LRRC7: variants seen among roughly 807,000 people sequenced by gnomAD.
LRRC7 encodes the protein leucine-rich repeat-containing protein 7.
LRRC7 carries 23 observed loss-of-function variants against 175.7 expected under a neutral mutation model. That is an observed-to-expected ratio of 0.13 (90% CI 0.09 to 0.19). The LOEUF (loss-of-function observed/expected upper bound fraction) is 0.19, where lower values mean the gene tolerates loss of function less well. Among genes scored for constraint, LRRC7 ranks in the 10% least tolerant of loss-of-function variants. The pLI is 1.00. For synonymous variants in LRRC7, 685 were observed against 680.9 expected (o/e 1.01, Z -0.09); for missense variants, 1,354 against 1,904.7 (o/e 0.71, Z 5.38).
At chr1:69,726,054 G>A (rs943207110) in intron 2 of LRRC7, among the ~76,000 whole-genome samples, 3 of 152,228 alleles carry the variant, frequency 2.0e-5, no homozygotes, top group Admixed American at 2.0e-4. Context: ...AACAGCAGAA[G>A]AGAGTAAAAT....
intron 9 of LRRC7, 45 bp from the exon 10 acceptor site, chr1:69,986,197 G>C (rs1653924018): frequency 6.4e-7 from 1 of 1,573,840 alleles, no homozygotes; most frequent in Non-Finnish European, 8.7e-7. Flanking sequence ...AAAATGTCTT[G>C]TGAAAGTCTC....
At chr1:69,837,797 C>A (rs993775587) in intron 6 of LRRC7, among the ~76,000 whole-genome samples, 1 of 151,326 alleles carries the variant, frequency 6.6e-6, no homozygotes, top group Non-Finnish European at 1.5e-5. Flanking sequence ...TGTCATTGCC[C>A]AGTATTGATG....
chr1:70,092,425 A>T (rs1664097450), intron 25 of LRRC7, among the ~76,000 whole-genome samples: 1 of 152,136 alleles, frequency 6.6e-6, no homozygotes, highest in Non-Finnish European at 1.5e-5. Flanking sequence ...GAAATACACT[A>T]TATTATTTTC....
At chr1:70,029,783 G>T (rs537513656) in intron 18 of LRRC7, among the ~76,000 whole-genome samples, 1 of 152,238 alleles carries the variant, frequency 6.6e-6, no homozygotes, top group African/African-American at 2.4e-5. Flanking sequence ...TATAAAATAA[G>T]AGTCTAAAAT....
At chr1:70,078,784 C>T (rs1006940497) in intron 24 of LRRC7, among the ~76,000 whole-genome samples, 8 of 148,654 alleles carry the variant, frequency 5.4e-5, no homozygotes, top group South Asian at 2.1e-4. Flanking sequence ...TAATACAGTT[C>T]TACATATACG....
chr1:69,845,697 C>G (rs1682279906), intron 7 of LRRC7, among the ~76,000 whole-genome samples: 1 of 151,982 alleles, frequency 6.6e-6, no homozygotes, highest in Admixed American at 6.6e-5. Context: ...TTATGCTACC[C>G]TACTAGCTAT....
chr1:69,846,390 C>T (rs1313074100), intron 7 of LRRC7, among the ~76,000 whole-genome samples: 1 of 152,082 alleles, frequency 6.6e-6, no homozygotes, highest in African/African-American at 2.4e-5. Context: ...TCAAATTGCT[C>T]TTTTCAGACT....
rs1159428452 is a variant in LRRC7 at position 70,133,316 on chromosome 1, G to T, written c.*11429G>T. Among the ~76,000 whole-genome samples the T allele has an allele frequency of 6.6e-6, 1 of 152,050 alleles. No homozygotes were observed. The highest frequency in any genetic ancestry group is 1.5e-5 in the Non-Finnish European group (1 of 68,022). ...GCTCACTGCAACCTCCACCTCCTGGGTTCAAACGATTTTCCTGCCTCAGCC... is the reference window on the plus strand; with the variant it reads ...GCTCACTGCAACCTCCACCTCCTGGTTTCAAACGATTTTCCTGCCTCAGCC... On this transcript the variant is annotated 3_prime_UTR_variant, in exon 27 of 27. Transcript: ENST00000651989.
chr1:69,890,589 G>A (rs148032252), intron 7 of LRRC7, among the ~76,000 whole-genome samples: 62 of 152,290 alleles, frequency 4.1e-4, no homozygotes, highest in Middle Eastern at 3.4e-3. Context: ...TCTAATAAGC[G>A]AGTCAGACTG....
At chr1:69,690,853 T>C (rs1661770133) in intron 2 of LRRC7, among the ~76,000 whole-genome samples, 1 of 151,908 alleles carries the variant, frequency 6.6e-6, no homozygotes, top group East Asian at 1.9e-4. Flanking sequence ...AAAATTGGAG[T>C]TGTTGGTTGA....
Position 69,738,301 on chromosome 1 carries a change from C to T in LRRC7, c.101-21890C>T, listed in dbSNP as rs752151118. Among the ~76,000 whole-genome samples the T allele has an allele frequency of 8.9e-4, 136 of 152,018 alleles. 2 individuals are homozygous for T. The highest frequency in any genetic ancestry group is 4.3e-4 in the Non-Finnish European group (29 of 67,976). On this transcript the variant is annotated intron_variant, in intron 2 of 26. Coordinates refer to ENST00000651989, the MANE Select transcript of LRRC7 (RefSeq NM_001370785.2). The stretch of plus-strand genomic sequence containing the variant: ...AATTGGCAGAGCTGGGATTTGCACC[C>T]TGACCCTGTCATCCCATAAGCCATG...
At chr1:69,668,359 T>C (rs914393458) in intron 1 of LRRC7, among the ~76,000 whole-genome samples, 2 of 152,044 alleles carry the variant, frequency 1.3e-5, no homozygotes, top group Non-Finnish European at 2.9e-5. Flanking sequence ...TGTGTTCTCA[T>C]TGTTCAACTC....
At chr1:69,906,178 G>T (rs1206995693) in intron 7 of LRRC7, among the ~76,000 whole-genome samples, 1 of 152,088 alleles carries the variant, frequency 6.6e-6, no homozygotes, top group Non-Finnish European at 1.5e-5. Context: ...AGATGAGTAG[G>T]TTGCAAAATT....
chr1:69,704,819 T>G lies in LRRC7; in HGVS notation c.100+26341T>G, dbSNP rs866136752. On this transcript the variant is annotated intron_variant, in intron 2 of 26. Coordinates refer to ENST00000651989, the MANE Select transcript of LRRC7 (RefSeq NM_001370785.2). ...TTGTAAATCTAATCAATTATATGTA[T>G]AAATATAGTAAATTTCAAATTATCT... 4.1e-4 allele frequency among the ~76,000 whole-genome samples: 62 copies of G among 152,172 alleles called. 1 individual carries two copies. The highest frequency in any genetic ancestry group is 1.4e-4 in the African/African-American group (6 of 41,558).
chr1:70,038,007 TG>T (rs58669710), intron 20 of LRRC7, 105 bp from the exon 21 acceptor site: 140,814 of 1,346,688 alleles, frequency 0.1, 7,654 homozygotes, highest in South Asian at 0.12. Flanking sequence ...TGAGGATTAT[TG>T]ATCAGTTAAA....
chr1:70,053,424 T>C (rs961797724), intron 23 of LRRC7, among the ~76,000 whole-genome samples: 16 of 152,292 alleles, frequency 1.1e-4, no homozygotes, highest in African/African-American at 3.8e-4. Context: ...GAAAGGCACA[T>C]ATAGAATGAT....
At chr1:69,635,786 A>G (rs1366571666) in intron 1 of LRRC7, among the ~76,000 whole-genome samples, 1 of 152,062 alleles carries the variant, frequency 6.6e-6, no homozygotes, top group Non-Finnish European at 1.5e-5. Context: ...AACTAATGCA[A>G]TTAAAGATAT....
At chr1:69,785,469 AAATT>A (rs561004877) in intron 3 of LRRC7, among the ~76,000 whole-genome samples, 42 of 152,178 alleles carry the variant, frequency 2.8e-4, no homozygotes, top group African/African-American at 9.6e-4. Flanking sequence ...TTAATTGGAG[AAATT>A]AATCCATTTT....
At chr1:69,649,044 T>C (rs1483768143) in intron 1 of LRRC7, among the ~76,000 whole-genome samples, 7 of 152,222 alleles carry the variant, frequency 4.6e-5, no homozygotes, top group African/African-American at 1.7e-4. Context: ...TATTAAACAT[T>C]ACGATGCAGT....
Sources: gnomAD v4.1 joint callset for allele counts (sites outside exome capture counted in the v4.1 genomes callset) on GRCh38, gnomAD v4.1.1 for gene constraint, MANE v1.5 for transcripts, NCBI Gene and HGNC (gene_info 2026-07-23, HGNC 2026-07-21) for gene names.